Variants in LEPROTL1 observed in about 807,000 individuals in gnomAD.
The protein encoded by LEPROTL1 is leptin receptor overlapping transcript-like 1.
A neutral mutation model predicts 15.4 loss-of-function variants in LEPROTL1; 6 were observed. The ratio of observed to expected loss-of-function variants is 0.39; its 90% confidence interval spans 0.21 to 0.77. The LOEUF is 0.77. Ranked by LOEUF, LEPROTL1 falls within the 30% of genes least tolerant of loss-of-function variation. The probability of loss-of-function intolerance (pLI) is 0.41; values close to 1 mark genes in which losing one functional copy is unlikely to be tolerated. For missense variants in LEPROTL1, 128 were observed against 158.1 expected (o/e 0.81, Z 1.02); for synonymous variants, 56 against 52.6 (o/e 1.06, Z -0.28).
intron 3 of LEPROTL1, among the ~76,000 whole-genome samples, chr8:30,122,636 C>G (rs902883667): frequency 1.3e-5 from 2 of 151,898 alleles, no homozygotes; most frequent in African/African-American, 4.8e-5. Flanking sequence ...ACTTAAAATA[C>G]AAAAAAAATT....
chr8:30,129,711 T>TCTCTCACACA (rs757804315), intron 3 of LEPROTL1, among the ~76,000 whole-genome samples: 2 of 128,300 alleles, frequency 1.6e-5, no homozygotes, highest in African/African-American at 5.7e-5. Flanking sequence ...TGAGACCCTG[T>TCTCTCACACA]CACACACACA....
intron 3 of LEPROTL1, chr8:30,132,161 A>G: frequency 6.4e-7 from 1 of 1,551,836 alleles, no homozygotes; most frequent in Non-Finnish European, 8.7e-7. Context: ...TCATTGGCAA[A>G]GGAGTGAATC....
chr8:30,120,970 C>T (rs561959364), intron 3 of LEPROTL1, among the ~76,000 whole-genome samples: 1 of 152,328 alleles, frequency 6.6e-6, no homozygotes, highest in South Asian at 2.1e-4. Flanking sequence ...ACAAACTCTA[C>T]TCCCATTCCC....
exon 4 of LEPROTL1, chr8:30,132,418 C>T (rs1370235536): frequency 1.3e-6 from 2 of 1,551,734 alleles, no homozygotes; most frequent in Admixed American, 3.9e-5. Context: ...CTCTCCAGGG[C>T]TCTGACCAAG....
chr8:30,134,794 C>T (rs534064404), intron 4 of LEPROTL1, among the ~76,000 whole-genome samples: 12 of 152,294 alleles, frequency 7.9e-5, no homozygotes, highest in Admixed American at 5.2e-4. Flanking sequence ...GAGATCTGCC[C>T]GCCTCGGCCT....
At chr8:30,130,781 A>ATTT (rs11411595) in intron 3 of LEPROTL1, among the ~76,000 whole-genome samples, 18 of 133,990 alleles carry the variant, frequency 1.3e-4, no homozygotes, top group Non-Finnish European at 1.6e-4. Context: ...TCAAAAAAAA[A>ATTT]TTTTTTTTTT....
At chr8:30,132,221 G>C (rs944010961) in intron 3 of LEPROTL1, 1 of 1,551,838 alleles carries the variant, frequency 6.4e-7, no homozygotes, top group African/African-American at 1.4e-5. Flanking sequence ...CCAAACACCT[G>C]TCCTGGATGG....
intron 3 of LEPROTL1, among the ~76,000 whole-genome samples, chr8:30,124,007 G>C (rs1308820362): frequency 6.7e-6 from 1 of 149,744 alleles, no homozygotes; most frequent in Admixed American, 6.7e-5. Flanking sequence ...CCAGAAGATA[G>C]CAAGGCCATT....
In LEPROTL1 at chr8:30,129,711, TCACACACACA is replaced by T. The variant is rs35105107; in HGVS notation, c.280-2627_280-2618del. On this transcript the variant is annotated intron_variant, in intron 3 of 4. Coordinates refer to the LEPROTL1 transcript ENST00000442880. ...GCCTGGGTGACAGAGTGAGACCCTG[TCACACACACA>T]CACACACACACACACACACACACAC... Among the ~76,000 whole-genome samples the T allele has an allele frequency of 3.5e-3, 448 of 128,376 alleles. 4 individuals are homozygous for T. The highest frequency in any genetic ancestry group is 0.011 in the African/African-American group (379 of 35,084). The allele number at this position is 128,376 out of a possible 152,430, so 84.2% of individuals were successfully genotyped here.
chr8:30,132,468 C>G (rs914049879), exon 4 of LEPROTL1: 5 of 1,551,582 alleles, frequency 3.2e-6, no homozygotes, highest in Non-Finnish European at 4.4e-6. Context: ...GGGAGTCGTC[C>G]AGGATCCAGT....
rs1802576325 is a variant in LEPROTL1, at chr8:30,106,825, C to G, written c.*963C>G. ...TATGCCAGAAAACCTTCCTCTGCTT[C>G]CTCCTTTTGACTTATTTGGTATGTT... On this transcript the variant is annotated 3_prime_UTR_variant, in exon 4 of 4. Transcript: ENST00000321250. The G allele has an allele frequency of 8.1e-6, 8 of 984,850 alleles. No homozygotes were observed. The highest frequency in any genetic ancestry group is 9.6e-6 in the Non-Finnish European group (8 of 829,034). The allele number at this position is 984,850 out of a possible 1,614,324, so 61.0% of individuals were successfully genotyped here. A position where few individuals can be genotyped will look rare whatever the true frequency, so the allele number is the denominator to read the frequency against.
At chr8:30,102,282 A>C (rs1489465525) in intron 2 of LEPROTL1, among the ~76,000 whole-genome samples, 2 of 152,020 alleles carry the variant, frequency 1.3e-5, no homozygotes, top group African/African-American at 4.8e-5. Flanking sequence ...ATTACAAGAA[A>C]ATTTAAAATG....
chr8:30,134,593 G>A (rs1223275496), intron 4 of LEPROTL1, among the ~76,000 whole-genome samples: 3 of 152,090 alleles, frequency 2.0e-5, no homozygotes, highest in Non-Finnish European at 4.4e-5. Flanking sequence ...CCAGGCTGGA[G>A]TGCAGTGGCG....
chr8:30,119,336 C>G (rs1802792349), intron 3 of LEPROTL1, among the ~76,000 whole-genome samples: 1 of 152,132 alleles, frequency 6.6e-6, no homozygotes, highest in Non-Finnish European at 1.5e-5. Flanking sequence ...CTTATGTCTT[C>G]CCTTTCTACG....
intron 3 of LEPROTL1, among the ~76,000 whole-genome samples, chr8:30,129,526 G>C (rs1171473353): frequency 6.6e-6 from 1 of 152,132 alleles, no homozygotes; most frequent in African/African-American, 2.4e-5. Context: ...CCAACACGGT[G>C]AAACCCCGTC....
intron 3 of LEPROTL1, among the ~76,000 whole-genome samples, chr8:30,115,153 C>T (rs1802717839): frequency 6.6e-6 from 1 of 151,986 alleles, no homozygotes; most frequent in Admixed American, 6.6e-5. Flanking sequence ...CCCTGGAGAG[C>T]AGTAGTTCAA....
chr8:30,111,549 A>G (rs574725324), downstream of LEPROTL1, among the ~76,000 whole-genome samples: 2 of 152,372 alleles, frequency 1.3e-5, no homozygotes, highest in African/African-American at 4.8e-5. Flanking sequence ...CTTTTCCTCT[A>G]GAAAACTTCC....
At chr8:30,137,564 C>A in exon 5 of LEPROTL1, 1 of 1,156,046 alleles carries the variant, frequency 8.7e-7, no homozygotes, top group Non-Finnish European at 1.2e-6. Flanking sequence ...GATGATTAGT[C>A]ACAAAATCAC....
chr8:30,126,970 G>A (rs1802914456), intron 3 of LEPROTL1, among the ~76,000 whole-genome samples: 1 of 152,034 alleles, frequency 6.6e-6, no homozygotes, highest in South Asian at 2.1e-4. Context: ...AACCCAGGAG[G>A]CGGAGGTTGC....
Sources: gnomAD v4.1 joint callset for allele counts (sites outside exome capture counted in the v4.1 genomes callset) on GRCh38, gnomAD v4.1.1 for gene constraint, MANE v1.5 for transcripts, NCBI Gene and HGNC (gene_info 2026-07-23, HGNC 2026-07-21) for gene names.